SPIRE1: variants seen among roughly 807,000 people sequenced by gnomAD.
The protein encoded by SPIRE1 is spire type actin nucleation factor 1, also known as protein spire homolog 1.
SPIRE1 carries 40 observed loss-of-function variants against 94.1 expected under a neutral mutation model. The observed-to-expected ratio is 0.43, with a 90% CI of 0.33 to 0.55. The LOEUF (loss-of-function observed/expected upper bound fraction) is 0.55, where lower values mean the gene tolerates loss of function less well. Among genes scored for constraint, SPIRE1 ranks in the 20% least tolerant of loss-of-function variants. The pLI is 0.06. For synonymous variants in SPIRE1, 376 were observed against 371.7 expected (o/e 1.01, Z -0.13); for missense variants, 838 against 975.2 (o/e 0.86, Z 1.87).
rs150085674 is a variant in SPIRE1, at chr18:12,546,696, C to A, written c.581G>T (p.Arg194Leu). The change falls in exon 3 of 17, where the codon CGG (arginine) becomes CTG (leucine). Residue 194 changes from arginine (R) to leucine (L), a missense_variant. Physicochemically the swap from Arg to Leu is moderately radical, Grantham distance 102. Around this residue, in one of 2 missense-constraint regions of SPIRE1, gnomAD observed 645 missense variants for 804.7 expected, o/e 0.80. Coordinates refer to ENST00000409402, the MANE Select transcript of SPIRE1 (RefSeq NM_001128626.2). ...EDEKRKISAI[R>L]SYRDVMKLCA... The stretch of plus-strand genomic sequence containing the variant: ...TACCTTCATGACATCTCTATATGAC[C>A]GAATAGCTGAGATTTTTCTCTTTTC... 6.2e-7 allele frequency: 1 copy of A among 1,613,486 alleles called. No homozygotes were observed. Among genetic ancestry groups the A allele is most frequent in the South Asian group, 1.1e-5 (1 of 91,058 alleles).
At position 12,585,152 on chromosome 18, in the gene SPIRE1, T is replaced by A. The variant is rs543726405; in HGVS notation, c.373-38248A>T. Reference sequence around the variant, plus strand: ...ACCTCCTCCCAAAAAAACTTACAAATCAGACCAAAAAAATTGGATGAAGAC... The same window carrying A: ...ACCTCCTCCCAAAAAAACTTACAAAACAGACCAAAAAAATTGGATGAAGAC... On this transcript the variant is annotated intron_variant, in intron 2 of 16. Transcript: ENST00000409402. Among the ~76,000 whole-genome samples the A allele has an allele frequency of 4.6e-5, 7 of 152,178 alleles. No individual in the cohort carries two copies. The East Asian group carries it at 1.4e-3, about 29-fold the overall frequency.
At chr18:12,604,867 ATGGATAAAC>A (rs2036930177) in intron 2 of SPIRE1, among the ~76,000 whole-genome samples, 1 of 152,216 alleles carries the variant, frequency 6.6e-6, no homozygotes, top group African/African-American at 2.4e-5. Context: ...CACCAAACAG[ATGGATAAAC>A]AAAATGTGAT....
At chr18:12,661,570 G>A (rs371877177), upstream of SPIRE1, among the ~76,000 whole-genome samples, 112 of 152,068 alleles carry the variant, frequency 7.4e-4, no homozygotes, top group African/African-American at 2.4e-3. Context: ...CCATGAGTTC[G>A]AGACCAGTCT....
intron 2 of SPIRE1, among the ~76,000 whole-genome samples, chr18:12,611,178 C>T (rs1160855831): frequency 6.6e-6 from 1 of 152,166 alleles, no homozygotes; most frequent in Non-Finnish European, 1.5e-5. Context: ...TCCAGCTACC[C>T]TCAAATTTCC....
At chr18:12,478,233 TA>T (rs1343866307) in intron 10 of SPIRE1, among the ~76,000 whole-genome samples, 1 of 151,732 alleles carries the variant, frequency 6.6e-6, no homozygotes, top group African/African-American at 2.4e-5. Flanking sequence ...GATGAGAAGC[TA>T]GGGGGTATGT....
upstream of SPIRE1, chr18:12,658,357 C>T (rs1410651757): frequency 4.8e-6 from 2 of 419,630 alleles, no homozygotes; most frequent in African/African-American, 2.1e-5. Flanking sequence ...AGGGCGGCGA[C>T]GCACGGTCCG....
upstream of SPIRE1, chr18:12,658,114 C>CCGCCCCGCCCCGCCCCGCCCCGCCT (rs1351116176): frequency 1.1e-6 from 1 of 942,304 alleles, no homozygotes; most frequent in East Asian, 1.1e-4. Context: ...GTCCGGCGCC[C>CCGCCCCGCCCCGCCCCGCCCCGCCT]CGCCCCGCCC....
chr18:12,585,911 T>G (rs1416279137), intron 2 of SPIRE1, among the ~76,000 whole-genome samples: 1 of 152,196 alleles, frequency 6.6e-6, no homozygotes, highest in Non-Finnish European at 1.5e-5. Context: ...TGTGTGAATT[T>G]GTTTCTATAT....
At chr18:12,533,817 T>C (rs899289676) in intron 4 of SPIRE1, among the ~76,000 whole-genome samples, 1 of 152,122 alleles carries the variant, frequency 6.6e-6, no homozygotes, top group Non-Finnish European at 1.5e-5. Flanking sequence ...TAAAAAGTAA[T>C]CTTTTCTACT....
intron 5 of SPIRE1, among the ~76,000 whole-genome samples, chr18:12,510,042 G>A (rs778515974): frequency 6.7e-5 from 10 of 150,050 alleles, no homozygotes; most frequent in South Asian, 4.2e-4. Context: ...CCGAGATCAC[G>A]CCACTGTACT....
At position 12,453,433 on chromosome 18, in the gene SPIRE1, A is replaced by ATTT. The variant is rs34797411; in HGVS notation, c.1777-298_1777-296dup. ...AAACCCTCCTCTGTTTCTCAGATACATTTTTTTTTTTTTTTTATGAGATGG... is the reference window on the plus strand; with the variant it reads ...AAACCCTCCTCTGTTTCTCAGATACATTTTTTTTTTTTTTTTTTTATGAGATGG... On this transcript the variant is annotated intron_variant, in intron 13 of 16. Transcript: ENST00000409402. 3.5e-3 allele frequency among the ~76,000 whole-genome samples: 502 copies of ATTT among 144,504 alleles called. 5 individuals are homozygous for ATTT. Among genetic ancestry groups the ATTT allele is most frequent in the Middle Eastern group, 0.018 (5 of 282 alleles). The allele number at this position is 144,504 out of a possible 152,430, so 94.8% of individuals were successfully genotyped here.
intron 2 of SPIRE1, among the ~76,000 whole-genome samples, chr18:12,591,854 A>C (rs2036543775): frequency 6.6e-6 from 1 of 151,274 alleles, no homozygotes; most frequent in Admixed American, 6.6e-5. Context: ...CTGTAGTTCC[A>C]GCTACTTGGG....
intron 10 of SPIRE1, among the ~76,000 whole-genome samples, chr18:12,474,188 A>G (rs1405717368): frequency 6.6e-6 from 1 of 152,184 alleles, no homozygotes; most frequent in Non-Finnish European, 1.5e-5. Context: ...TGGAAGTGTC[A>G]CTGCTTCCTC....
intron 5 of SPIRE1, among the ~76,000 whole-genome samples, chr18:12,511,812 C>T (rs1403558593): frequency 6.6e-6 from 1 of 152,130 alleles, no homozygotes; most frequent in Non-Finnish European, 1.5e-5. Flanking sequence ...GCAGCCTCAA[C>T]CTCCTGGGCT....
At chr18:12,557,754 A>T (rs899688317) in intron 2 of SPIRE1, among the ~76,000 whole-genome samples, 1 of 151,700 alleles carries the variant, frequency 6.6e-6, no homozygotes, top group African/African-American at 2.4e-5. Context: ...ATATACAAAT[A>T]CTACAACTAT....
chr18:12,549,448 T>A (rs1293217883), intron 2 of SPIRE1, among the ~76,000 whole-genome samples: 8 of 94,570 alleles, frequency 8.5e-5, no homozygotes, highest in Non-Finnish European at 1.7e-4. Flanking sequence ...TGTTTTTTTT[T>A]TTTTTTTTTT....
intron 6 of SPIRE1, among the ~76,000 whole-genome samples, chr18:12,500,742 T>C (rs1040983652): frequency 6.6e-6 from 1 of 152,122 alleles, no homozygotes; most frequent in Admixed American, 6.6e-5. Flanking sequence ...ATTTGGGTCA[T>C]GAATAAACAA....
chr18:12,651,708 T>G (rs1412368009), intron 1 of SPIRE1, among the ~76,000 whole-genome samples: 3 of 152,152 alleles, frequency 2.0e-5, no homozygotes, highest in Admixed American at 1.3e-4. Context: ...ATTTTTTCAC[T>G]ATTTCAACCT....
intron 2 of SPIRE1, among the ~76,000 whole-genome samples, chr18:12,626,672 A>C (rs759580097): frequency 4.3e-5 from 6 of 139,306 alleles, no homozygotes; most frequent in Admixed American, 7.2e-5. Flanking sequence ...TGAATAAAGA[A>C]AAGACAAATA....
Sources: allele counts gnomAD v4.1 joint callset (sites outside exome capture counted in the v4.1 genomes callset), GRCh38; gene constraint gnomAD v4.1.1; regional missense constraint gnomAD v4.1.1; transcripts MANE v1.5; gene names NCBI Gene and HGNC (gene_info 2026-07-23, HGNC 2026-07-21).